The following ATP8A1 variants were observed in gnomAD, a reference collection of about 807,000 sequenced individuals.
ATP8A1 encodes the protein phospholipid-transporting ATPase IA.
Under a neutral mutation model 177.7 loss-of-function variants are expected in ATP8A1, and 90 were observed. That is an observed-to-expected ratio of 0.51 (90% confidence interval 0.43 to 0.60). ATP8A1 has a LOEUF of 0.60. Ranked by LOEUF, ATP8A1 falls within the 20% of genes least tolerant of loss-of-function variation. ATP8A1 has a pLI of 0.00. For synonymous variants in ATP8A1, 493 were observed against 485.9 expected (o/e 1.01, Z -0.19); for missense variants, 1,072 against 1,392.8 (o/e 0.77, Z 3.67).
intron 25 of ATP8A1, among the ~76,000 whole-genome samples, chr4:42,480,152 T>C (rs894187950): frequency 4.6e-5 from 7 of 152,110 alleles, no homozygotes; most frequent in Non-Finnish European, 1.0e-4. Context: ...TTTTAGACAT[T>C]TTATTGTCAA....
chr4:42,555,135 AT>A, intron 16 of ATP8A1, among the ~76,000 whole-genome samples: 1 of 60,772 alleles, frequency 1.6e-5, no homozygotes, highest in African/African-American at 7.3e-5. Flanking sequence ...CTATCTATCT[AT>A]CTAATCTATC....
At position 42,409,349 on chromosome 4, in the gene ATP8A1, A is replaced by G. The variant is rs1277963227; in HGVS notation, c.*3567T>C. 3 of 152,220 alleles carry G rather than the reference A, an allele frequency of 2.0e-5. No homozygotes were observed. Among genetic ancestry groups the G allele is most frequent in the African/African-American group, 7.2e-5 (3 of 41,480 alleles). 9.4% of individuals were successfully genotyped at this position (152,220 alleles called of 1,614,324 possible). A position where few individuals can be genotyped will look rare whatever the true frequency, so the allele number is the denominator to read the frequency against. ...AGCTGTTGAAGGTTAATTAAAATGC[A>G]GCAAAGTATAACTACGTTACACAAG... is the stretch of plus-strand genomic sequence containing the variant. On this transcript the variant is annotated 3_prime_UTR_variant, in exon 37 of 37. Transcript: ENST00000381668.
At chr4:42,561,269 G>A (rs1232077593) in intron 15 of ATP8A1, among the ~76,000 whole-genome samples, 4 of 152,090 alleles carry the variant, frequency 2.6e-5, no homozygotes, top group African/African-American at 9.7e-5. Flanking sequence ...AGCACTTATG[G>A]TCTCCTCAAT....
chr4:42,456,950 T>G (rs1013194837), intron 27 of ATP8A1, among the ~76,000 whole-genome samples: 1 of 152,190 alleles, frequency 6.6e-6, no homozygotes, highest in African/African-American at 2.4e-5. Flanking sequence ...CTGATCTTCC[T>G]TTTTACAGTG....
At chr4:42,626,680 C>A (rs1439001120) in intron 2 of ATP8A1, 3 of 290,148 alleles carry the variant, frequency 1.0e-5, no homozygotes, top group African/African-American at 2.2e-5. Context: ...AACTTGCTAA[C>A]CAAAACCAGT....
chr4:42,542,426 T>C (rs138065063), intron 20 of ATP8A1, among the ~76,000 whole-genome samples: 1 of 152,062 alleles, frequency 6.6e-6, no homozygotes, highest in Non-Finnish European at 1.5e-5. Context: ...TCTTAAAGGC[T>C]CTCTTTTTTA....
At chr4:42,545,487 G>T (rs1728807657) in intron 19 of ATP8A1, among the ~76,000 whole-genome samples, 1 of 152,160 alleles carries the variant, frequency 6.6e-6, no homozygotes, top group African/African-American at 2.4e-5. Flanking sequence ...CGGCCATAGA[G>T]ACTAGCAAAT....
At chr4:42,646,850 T>C (rs148196987) in intron 1 of ATP8A1, among the ~76,000 whole-genome samples, 2 of 152,324 alleles carry the variant, frequency 1.3e-5, no homozygotes, top group African/African-American at 2.4e-5. Flanking sequence ...CCAAGTCAAT[T>C]AGAGGTCTAA....
At chr4:42,535,205 C>A (rs1337179598) in intron 20 of ATP8A1, among the ~76,000 whole-genome samples, 1 of 152,036 alleles carries the variant, frequency 6.6e-6, no homozygotes, top group Non-Finnish European at 1.5e-5. Context: ...AACCAAGTAT[C>A]TGCTGTCTTT....
intron 5 of ATP8A1, among the ~76,000 whole-genome samples, chr4:42,602,540 G>C (rs982799664): frequency 6.6e-6 from 1 of 152,192 alleles, no homozygotes; most frequent in South Asian, 2.1e-4. Context: ...GAGGTGAGCG[G>C]ATCACCTGAG....
chr4:42,472,704 C>T (rs561522655), intron 25 of ATP8A1, among the ~76,000 whole-genome samples: 43 of 147,112 alleles, frequency 2.9e-4, no homozygotes, highest in Non-Finnish European at 5.9e-5. Flanking sequence ...GAGCTGAGAT[C>T]GCGCCATCGC....
At chr4:42,438,299 T>C (rs186344294) in intron 33 of ATP8A1, among the ~76,000 whole-genome samples, 126 of 152,304 alleles carry the variant, frequency 8.3e-4, no homozygotes, top group Non-Finnish European at 1.4e-3. Flanking sequence ...GCTGTGAACA[T>C]TAAATGAGTG....
At chr4:42,541,505 C>T (rs1027151710) in intron 20 of ATP8A1, among the ~76,000 whole-genome samples, 2 of 152,152 alleles carry the variant, frequency 1.3e-5, no homozygotes, top group African/African-American at 4.8e-5. Flanking sequence ...TAAGATCTTG[C>T]AATTATTCTC....
chr4:42,472,179 A>T, intron 25 of ATP8A1: 1 of 607,064 alleles, frequency 1.6e-6, no homozygotes, highest in Non-Finnish European at 3.2e-6. Context: ...TATATGACAC[A>T]ATTCTTGAGG....
chr4:42,430,284 GTCCCCTGGCCTCCTGCCTGT>G (rs1715124322), intron 33 of ATP8A1, among the ~76,000 whole-genome samples: 1 of 149,448 alleles, frequency 6.7e-6, no homozygotes, highest in South Asian at 2.1e-4. Flanking sequence ...CCTGCTAGGG[GTCCCCTGGCCTCCTGCCTGT>G]TCCCTGTACA....
intron 5 of ATP8A1, among the ~76,000 whole-genome samples, chr4:42,612,471 G>A (rs1736464149): frequency 6.7e-6 from 1 of 148,750 alleles, no homozygotes; most frequent in South Asian, 2.2e-4. Flanking sequence ...AAGAGAAGCA[G>A]CCACAGTGCT....
chr4:42,466,564 T>C (rs1719789077), intron 25 of ATP8A1, among the ~76,000 whole-genome samples: 1 of 152,252 alleles, frequency 6.6e-6, no homozygotes, highest in African/African-American at 2.4e-5. Flanking sequence ...ATTGGTCTCC[T>C]CTTCTTTGTA....
intron 4 of ATP8A1, among the ~76,000 whole-genome samples, chr4:42,618,120 T>G (rs373533217): frequency 6.6e-6 from 1 of 152,244 alleles, no homozygotes; most frequent in Admixed American, 6.5e-5. Context: ...AACAGTGTTA[T>G]GAACTTCAGG....
rs367609013 is a variant in ATP8A1, at chr4:42,541,255, A to T, written c.1722+2662T>A. 2.4e-4 allele frequency among the ~76,000 whole-genome samples: 37 copies of T among 152,362 alleles called. 1 individual carries two copies. The South Asian group carries it at 3.5e-3, about 14-fold the overall frequency. ...TCATCACAGAAGACATATAGATGTT[A>T]AATAAGCATATGAAAAAATGTTCAA... On this transcript the variant is annotated intron_variant, in intron 20 of 36. Transcript: ENST00000381668.
Sources: gnomAD v4.1 joint callset for allele counts (sites outside exome capture counted in the v4.1 genomes callset) on GRCh38, gnomAD v4.1.1 for gene constraint, MANE v1.5 for transcripts, NCBI Gene and HGNC (gene_info 2026-07-23, HGNC 2026-07-21) for gene names.